PREPL: variants seen among roughly 807,000 people sequenced by gnomAD.
PREPL encodes the protein prolyl endopeptidase-like.
Under a neutral mutation model 70.6 loss-of-function variants are expected in PREPL, and 77 were observed. That is an observed-to-expected ratio of 1.09 (90% CI 0.91 to 1.32). PREPL has a LOEUF of 1.32. Among genes scored for constraint, PREPL ranks in the 40% most tolerant of loss-of-function variants. The pLI, the probability that PREPL is intolerant of heterozygous loss-of-function variation, is 0.00. For synonymous variants in PREPL, 315 were observed against 264.8 expected, an observed-to-expected ratio of 1.19 and a Z score of -1.84; for missense variants, 1,002 against 778.2, an observed-to-expected ratio of 1.29 and a Z score of -3.42.
Position 44,343,917 on chromosome 2 carries a change from C to T in PREPL, c.177G>A (p.Leu59=). The change falls in exon 4 of 14, where the codon TTG becomes TTA. Residue 59 remains leucine (L), a synonymous_variant. Transcript: ENST00000409411. ...AGGGCTGGTCTAACTTAAGTTCCTCCAAATTGAATAAAACTTCATAATTAT... is the reference window on the plus strand; with the variant it reads ...AGGGCTGGTCTAACTTAAGTTCCTCTAAATTGAATAAAACTTCATAATTAT... ...DNDNYEVLFN[L]EELKLDQPFI... 1 of 1,613,880 alleles carries T rather than the reference C, an allele frequency of 6.2e-7. No homozygotes were observed. Among genetic ancestry groups the T allele is most frequent in the East Asian group, 2.2e-5 (1 of 44,878 alleles).
At chr2:44,328,717 T>C (rs1440838184) in intron 9 of PREPL, among the ~76,000 whole-genome samples, 1 of 152,024 alleles carries the variant, frequency 6.6e-6, no homozygotes, top group East Asian at 1.9e-4. Flanking sequence ...AAGTACAGAG[T>C]CTGGTACCTC....
At chr2:44,341,957 G>A (rs1675272186) in intron 5 of PREPL, among the ~76,000 whole-genome samples, 1 of 151,944 alleles carries the variant, frequency 6.6e-6, no homozygotes, top group Admixed American at 6.6e-5. Flanking sequence ...ATGGTTAAAA[G>A]GTACTCAACA....
intron 7 of PREPL, among the ~76,000 whole-genome samples, chr2:44,336,515 A>G (rs1470610364): frequency 6.6e-6 from 1 of 152,038 alleles, no homozygotes; most frequent in Admixed American, 6.6e-5. Flanking sequence ...GAAGAGAATA[A>G]CAGACACTGG....
At chr2:44,324,890 A>AAAAAC (rs1009384860) in intron 10 of PREPL, among the ~76,000 whole-genome samples, 16 of 152,194 alleles carry the variant, frequency 1.1e-4, no homozygotes, top group African/African-American at 3.6e-4. Flanking sequence ...CTCTGACTCA[A>AAAAAC]AAAACAAAAC....
At position 44,319,317 on chromosome 2, in the gene PREPL, T is replaced by C. The variant is rs1197878644; in HGVS notation, c.*2039A>G. On this transcript the variant is annotated 3_prime_UTR_variant, in exon 14 of 14. Coordinates refer to ENST00000409411, the MANE Select transcript of PREPL (RefSeq NM_001171613.2). The stretch of plus-strand genomic sequence containing the variant: ...TCTTATGAAGAATAATTTGGCATTA[T>C]GTATCAAGTGCCCATACTCTTTGAC... The C allele has an allele frequency of 6.6e-6, 1 of 152,502 alleles. No homozygotes were observed. Among genetic ancestry groups the C allele is most frequent in the Admixed American group, 6.6e-5 (1 of 15,162 alleles). 9.4% of individuals were successfully genotyped at this position (152,502 alleles called of 1,614,324 possible).
At chr2:44,359,501 C>T (rs1677428467) in intron 1 of PREPL, 1 of 1,603,586 alleles carries the variant, frequency 6.2e-7, no homozygotes, top group African/African-American at 1.3e-5. Flanking sequence ...CCATACCTTA[C>T]ATGAGAAGCT....
At chr2:44,342,315 T>A in intron 5 of PREPL, 102 bp downstream of exon 5, 2 of 1,095,046 alleles carry the variant, frequency 1.8e-6, no homozygotes, top group South Asian at 4.6e-5. Context: ...TTATTATTCC[T>A]GGTTCCAACC....
rs1232724382 is a variant in PREPL at position 44,320,360 on chromosome 2, T to C, written c.*996A>G. The C allele has an allele frequency of 6.2e-7, 1 of 1,614,144 alleles. No individual in the cohort carries two copies. The highest frequency in any genetic ancestry group is 1.1e-5 in the South Asian group (1 of 91,086). ...AGCTGGATGGCATCGACAGAATCTT[T>C]ATCGTGGTTCTGAATTTTGGAGAAT... On this transcript the variant is annotated 3_prime_UTR_variant, in exon 14 of 14. Coordinates refer to ENST00000409411, the MANE Select transcript of PREPL (RefSeq NM_001171613.2).
At chr2:44,333,634 A>C (rs1674344273) in intron 7 of PREPL, among the ~76,000 whole-genome samples, 2 of 151,736 alleles carry the variant, frequency 1.3e-5, no homozygotes, top group Admixed American at 1.3e-4. Context: ...AATAAAAAAA[A>C]AAAATCTATT....
Position 44,344,571 on chromosome 2 carries a change from AACC to A in PREPL, c.88_90del (p.Gly30del), listed in dbSNP as rs1558509290. On this transcript the variant is annotated inframe_deletion, in exon 3 of 14. Coordinates refer to ENST00000409411, the MANE Select transcript of PREPL (RefSeq NM_001171613.2). Reference sequence around the variant, plus strand: ...CAACAACCTTCTTGGTAATAAACAAAACCACCATGTTTAACCTGACAAAAGAAA... The same window carrying A: ...CAACAACCTTCTTGGTAATAAACAAAACCATGTTTAACCTGACAAAAGAAA... 1.9e-6 allele frequency: 3 copies of A among 1,604,590 alleles called. No individual in the cohort carries two copies. The highest frequency in any genetic ancestry group is 2.6e-6 in the Non-Finnish European group (3 of 1,175,670).
chr2:44,351,232 G>A (rs1676402043), intron 1 of PREPL, among the ~76,000 whole-genome samples: 1 of 151,656 alleles, frequency 6.6e-6, no homozygotes, highest in South Asian at 2.1e-4. Flanking sequence ...ACTGGGCCTG[G>A]CATCTCCCTG....
At chr2:44,352,973 G>A (rs1296294548) in intron 1 of PREPL, among the ~76,000 whole-genome samples, 1 of 152,204 alleles carries the variant, frequency 6.6e-6, no homozygotes, top group East Asian at 1.9e-4. Flanking sequence ...CTGGCCATGA[G>A]TGGCAGCTCA....
intron 7 of PREPL, among the ~76,000 whole-genome samples, chr2:44,335,719 A>G (rs1017107196): frequency 1.4e-4 from 21 of 152,178 alleles, no homozygotes; most frequent in African/African-American, 5.1e-4. Context: ...GAGTTCCTGC[A>G]CAGCAAAATA....
chr2:44,340,716 T>C (rs1371013345), intron 5 of PREPL, among the ~76,000 whole-genome samples: 1 of 152,080 alleles, frequency 6.6e-6, no homozygotes, highest in Non-Finnish European at 1.5e-5. Flanking sequence ...TCACCTGAGA[T>C]CAGGAGTTCA....
At chr2:44,346,244 T>C (rs1233972593) in intron 2 of PREPL, 24 bp downstream of exon 2, 1 of 1,592,344 alleles carries the variant, frequency 6.3e-7, no homozygotes, top group Admixed American at 1.8e-5. Flanking sequence ...AAAAATTTTT[T>C]TTTAAAGACA....
chr2:44,351,456 T>C (rs570747665), intron 1 of PREPL, among the ~76,000 whole-genome samples: 2 of 151,490 alleles, frequency 1.3e-5, no homozygotes, highest in African/African-American at 4.8e-5. Context: ...AGATGTCTAA[T>C]ATGCCAAAAA....
intron 8 of PREPL, among the ~76,000 whole-genome samples, chr2:44,330,839 G>C (rs1048648085): frequency 2.0e-4 from 30 of 152,032 alleles, no homozygotes; most frequent in African/African-American, 7.0e-4. Context: ...AGTATACCTG[G>C]AATATGGATA....
At chr2:44,325,831 G>C (rs1673436106) in intron 10 of PREPL, among the ~76,000 whole-genome samples, 1 of 152,156 alleles carries the variant, frequency 6.6e-6, no homozygotes, top group East Asian at 1.9e-4. Flanking sequence ...ATTTTTCAGA[G>C]TAACCTAGAA....
intron 11 of PREPL, among the ~76,000 whole-genome samples, 163 bp from the exon 12 acceptor site, chr2:44,323,017 C>G (rs1401216239): frequency 1.3e-5 from 2 of 152,088 alleles, no homozygotes; most frequent in African/African-American, 4.8e-5. Flanking sequence ...TAGTAGACTA[C>G]TTGTTATCTG....
Sources: allele counts gnomAD v4.1 joint callset (sites outside exome capture counted in the v4.1 genomes callset), GRCh38; gene constraint gnomAD v4.1.1; transcripts MANE v1.5; gene names NCBI Gene and HGNC (gene_info 2026-07-23, HGNC 2026-07-21).